Variants in DGCR8 observed in about 807,000 individuals in gnomAD.
DGCR8 encodes the protein DGCR8 microprocessor complex subunit.
DGCR8 carries 14 observed loss-of-function variants against 78.5 expected under a neutral mutation model. The observed-to-expected ratio is 0.18, with a 90% CI of 0.12 to 0.28. The LOEUF (loss-of-function observed/expected upper bound fraction) is 0.28, where lower values mean the gene tolerates loss of function less well. DGCR8 is among the 10% of genes least tolerant of loss of function. The probability of loss-of-function intolerance (pLI) is 1.00; values close to 1 mark genes in which losing one functional copy is unlikely to be tolerated. For synonymous variants in DGCR8, 399 were observed against 402.4 expected (o/e 0.99, Z 0.10); for missense variants, 702 against 1,022.5 (o/e 0.69, Z 4.28).
In DGCR8 at chr22:20,086,400, C is replaced by T. The variant is rs201293912; in HGVS notation, c.437C>T (p.Ala146Val). The change falls in exon 2 of 14, where the codon GCG becomes GTG. Residue 146 changes from alanine (A) to valine (V), a missense_variant. Transcript: ENST00000351989. This position sits in a 1 kb window ranked among gnomAD's most constrained non-coding sequence, Gnocchi z 6.4. ...LYTGAERDVR[A>V]ECGLLLSPVS... ...ACAGGAGCAGAGCGCGACGTGCGGGCGGAGTGCGGTCTGCTCCTTAGCCCT... is the reference window on the plus strand; with the variant it reads ...ACAGGAGCAGAGCGCGACGTGCGGGTGGAGTGCGGTCTGCTCCTTAGCCCT... 1.5e-5 allele frequency: 25 copies of T among 1,613,772 alleles called. No homozygotes were observed. The highest frequency in any genetic ancestry group is 1.2e-4 in the African/African-American group (9 of 74,934).
intron 9 of DGCR8, among the ~76,000 whole-genome samples, chr22:20,104,722 G>T (rs1466104171): frequency 6.6e-6 from 1 of 152,224 alleles, no homozygotes; most frequent in Non-Finnish European, 1.5e-5. Context: ...AGTGTCTTCT[G>T]GGGACCTATT....
At chr22:20,102,032 TTGG>T (rs2049708459) in intron 9 of DGCR8, 1 of 985,300 alleles carries the variant, frequency 1.0e-6, no homozygotes, top group South Asian at 4.7e-5. Context: ...TAGCTGTGGG[TTGG>T]TGGTTCATGG....
chr22:20,089,559 C>T lies in DGCR8; in HGVS notation c.881-110C>T. ...GAGGAATTTCGATTATCTGTGAAGA[C>T]CCAGTTAAACACATGCTAGTACCCA... is the stretch of plus-strand genomic sequence containing the variant. On this transcript the variant is annotated intron_variant, in intron 3 of 13. Coordinates refer to ENST00000351989, the MANE Select transcript of DGCR8 (RefSeq NM_022720.7). The surrounding 1 kb of genome is among the most constrained non-coding windows in gnomAD (Gnocchi z 4.9). 1 of 1,204,320 alleles carries T rather than the reference C, an allele frequency of 8.3e-7. No homozygotes were observed. The highest frequency in any genetic ancestry group is 1.2e-6 in the Non-Finnish European group (1 of 839,446). The allele number at this position is 1,204,320 out of a possible 1,614,324, so 74.6% of individuals were successfully genotyped here.
intron 9 of DGCR8, among the ~76,000 whole-genome samples, chr22:20,095,593 A>G: frequency 6.6e-6 from 1 of 152,234 alleles, no homozygotes; most frequent in Non-Finnish European, 1.5e-5. Context: ...TGTTATGTAC[A>G]TATTACTACA....
At chr22:20,094,587 C>T (rs959087640) in intron 8 of DGCR8, 126 bp from the exon 9 acceptor site, 34 of 813,540 alleles carry the variant, frequency 4.2e-5, no homozygotes, top group Non-Finnish European at 6.6e-5. Flanking sequence ...AGTGCTGTCT[C>T]TCCTCAGGGC....
At position 20,087,513 on chromosome 22, in the gene DGCR8, G is replaced by A. The variant is rs189314922; in HGVS notation, c.880+192G>A. 8.5e-5 allele frequency among the ~76,000 whole-genome samples: 13 copies of A among 152,280 alleles called. No individual in the cohort carries two copies. In the East Asian group the frequency reaches 2.3e-3, roughly 27 times the overall value. On this transcript the variant is annotated intron_variant, in intron 3 of 13. Transcript: ENST00000351989. The surrounding 1 kb of genome is among the most constrained non-coding windows in gnomAD (Gnocchi z 4.1). ...ACGTCCTGATGCATGACCCAGATGCGGATCCTGGTGTGTGCTATGGAAACC... is the reference window on the plus strand; with the variant it reads ...ACGTCCTGATGCATGACCCAGATGCAGATCCTGGTGTGTGCTATGGAAACC...
rs202208301 is a variant in DGCR8, at chr22:20,086,183, C to G, written c.220C>G (p.Leu74Val). 7.2e-5 allele frequency: 116 copies of G among 1,614,064 alleles called. No individual in the cohort carries two copies. The highest frequency in any genetic ancestry group is 9.4e-5 in the Non-Finnish European group (111 of 1,180,048). ...EDPFNFYGAS[L>V]LSKGSFSKGR... is the part of the protein sequence containing the mutation. Reference sequence around the variant, plus strand: ...CCCCTTCAACTTCTACGGAGCTTCTCTTCTCTCCAAAGGATCCTTCTCTAA... The same window carrying G: ...CCCCTTCAACTTCTACGGAGCTTCTGTTCTCTCCAAAGGATCCTTCTCTAA... Residue 74 changes from leucine to valine, a missense_variant, in exon 2 of 14, where the codon CTT (leucine) becomes GTT (valine). Physicochemically the swap from Leu to Val is conservative, Grantham distance 32. This residue lies in a region of DGCR8 where 356 missense variants were observed against 448.9 expected (regional missense o/e 0.79). Transcript: ENST00000351989. The surrounding 1 kb of genome is among the most constrained non-coding windows in gnomAD (Gnocchi z 6.4).
chr22:20,083,139 C>T (rs1430118675), intron 1 of DGCR8, among the ~76,000 whole-genome samples: 1 of 152,250 alleles, frequency 6.6e-6, no homozygotes, highest in Non-Finnish European at 1.5e-5. Context: ...CCACCTGGCT[C>T]ACTCCTGCCT....
intron 9 of DGCR8, chr22:20,100,421 C>T (rs946580192): frequency 1.0e-6 from 1 of 985,418 alleles, no homozygotes; most frequent in Middle Eastern, 5.2e-4. Flanking sequence ...CCCAGGGAGG[C>T]TTCCAAGGCC....
At chr22:20,109,970 C>T (rs563470077) in intron 13 of DGCR8, 55 bp from the exon 14 acceptor site, 52 of 1,565,964 alleles carry the variant, frequency 3.3e-5, no homozygotes, top group African/African-American at 5.4e-5. Flanking sequence ...TGTGTCTTCC[C>T]GAGCCTCTGC....
At position 20,090,158 on chromosome 22, in the gene DGCR8, G is replaced by A. The variant is rs190748841; in HGVS notation, c.1206G>A (p.Pro402=). 4.4e-5 allele frequency: 71 copies of A among 1,614,238 alleles called. No homozygotes were observed. The highest frequency in any genetic ancestry group is 2.7e-4 in the East Asian group (12 of 44,882). The part of the protein sequence containing the change: ...LDEPDSMGAD[P]GPPDEKDPLG... Reference sequence around the variant, plus strand: ...AGCCTGACTCTATGGGTGCTGACCCGGGGCCCCCGGACGAGAAAGACCCAC... The same window carrying A: ...AGCCTGACTCTATGGGTGCTGACCCAGGGCCCCCGGACGAGAAAGACCCAC... Residue 402 remains proline, a synonymous_variant, in exon 5 of 14, where the codon CCG becomes CCA. Transcript: ENST00000351989.
chr22:20,105,136 C>T (rs759047289), intron 9 of DGCR8, among the ~76,000 whole-genome samples: 1 of 152,222 alleles, frequency 6.6e-6, no homozygotes, highest in Non-Finnish European at 1.5e-5. Flanking sequence ...TGAGATCACA[C>T]TGAAGCAGAG....
In DGCR8 at chr22:20,087,412, C is replaced by A; in HGVS notation, c.880+91C>A. On this transcript the variant is annotated intron_variant, in intron 3 of 13. Coordinates refer to ENST00000351989, the MANE Select transcript of DGCR8 (RefSeq NM_022720.7). This position sits in a 1 kb window ranked among gnomAD's most constrained non-coding sequence, Gnocchi z 4.1. ...GAAATGCTTTGAGAGAGCTCTGGTG[C>A]CAGGTAGTGGGCTGGGTGGAGGCAT... The A allele has an allele frequency of 7.0e-7, 1 of 1,432,230 alleles. No homozygotes were observed. Among genetic ancestry groups the A allele is most frequent in the Non-Finnish European group, 9.4e-7 (1 of 1,062,238 alleles). The allele number at this position is 1,432,230 out of a possible 1,614,324, so 88.7% of individuals were successfully genotyped here.
chr22:20,081,386 C>G (rs1452132872), intron 1 of DGCR8, among the ~76,000 whole-genome samples: 1 of 152,224 alleles, frequency 6.6e-6, no homozygotes, highest in Non-Finnish European at 1.5e-5. Context: ...GGGAGCTTGC[C>G]GTGAGCCCGT....
intron 10 of DGCR8, 65 bp from the exon 11 acceptor site, chr22:20,106,527 C>T (rs2049771564): frequency 8.2e-7 from 1 of 1,222,956 alleles, no homozygotes. Context: ...CCAGAGCAGG[C>T]CTCCTCAGAG....
rs1355175721 is a variant in DGCR8 at position 20,091,953 on chromosome 22, A to G, written c.1589A>G (p.Tyr530Cys). 6.2e-7 allele frequency: 1 copy of G among 1,613,862 alleles called. No individual in the cohort carries two copies. The highest frequency in any genetic ancestry group is 8.5e-7 in the Non-Finnish European group (1 of 1,179,826). Residue 530 changes from tyrosine to cysteine, a missense_variant, in exon 7 of 14, where the codon TAT becomes TGT. By Grantham distance (194) the Tyr-to-Cys change is radical (BLOSUM62 -2). Coordinates refer to ENST00000351989, the MANE Select transcript of DGCR8 (RefSeq NM_022720.7). Reference protein sequence around the residue: ...MQRVLKVRPVYNFFECENPSE... With the variant: ...MQRVLKVRPVCNFFECENPSE... ...CGTGTCCTCAAGGTCCGCCCTGTCTATAATTTCTTTGAATGTGGTAAGTCT... is the reference window on the plus strand; with the variant it reads ...CGTGTCCTCAAGGTCCGCCCTGTCTGTAATTTCTTTGAATGTGGTAAGTCT...
In DGCR8 at chr22:20,091,639, G is replaced by A. The variant is rs761382317; in HGVS notation, c.1504+7G>A. The stretch of plus-strand genomic sequence containing the variant: ...GATGCACCCACAAAGAAAGGTATAA[G>A]CCTCTGCATTTTAACATCAGCAGAC... On this transcript the variant is annotated splice_region_variant and intron_variant, in intron 6 of 13. Coordinates refer to ENST00000351989, the MANE Select transcript of DGCR8 (RefSeq NM_022720.7). 5 of 1,612,862 alleles carry A rather than the reference G, an allele frequency of 3.1e-6. No individual in the cohort carries two copies. The African/African-American group carries it at 5.3e-5, about 17-fold the overall frequency.
chr22:20,104,943 A>G (rs1249789765), intron 9 of DGCR8, among the ~76,000 whole-genome samples: 1 of 152,138 alleles, frequency 6.6e-6, no homozygotes, highest in Non-Finnish European at 1.5e-5. Context: ...AGGCGTGTGA[A>G]TCATTTGATT....
intron 9 of DGCR8, among the ~76,000 whole-genome samples, chr22:20,098,398 A>T (rs1388480263): frequency 1.3e-5 from 2 of 152,032 alleles, no homozygotes; most frequent in Non-Finnish European, 2.9e-5. Context: ...TGTATATTAA[A>T]CTGCCTTTCC....
Sources: allele counts gnomAD v4.1 joint callset (sites outside exome capture counted in the v4.1 genomes callset), GRCh38; gene constraint gnomAD v4.1.1; regional missense constraint gnomAD v4.1.1; non-coding constraint Gnocchi (gnomAD v3.1); transcripts MANE v1.5; gene names NCBI Gene and HGNC (gene_info 2026-07-23, HGNC 2026-07-21).